HIP1: variants seen among roughly 807,000 people sequenced by gnomAD.
HIP1 encodes huntingtin interacting protein 1.
HIP1 carries 65 observed loss-of-function variants against 147.6 expected under a neutral mutation model. The ratio of observed to expected loss-of-function variants is 0.44; its 90% confidence interval spans 0.36 to 0.54. The LOEUF (loss-of-function observed/expected upper bound fraction) is 0.54, where lower values mean the gene tolerates loss of function less well. Ranked by LOEUF, HIP1 falls within the 20% of genes least tolerant of loss-of-function variation. The probability of loss-of-function intolerance (pLI) is 0.00; values close to 1 mark genes in which losing one functional copy is unlikely to be tolerated. For missense variants in HIP1, 1,061 were observed against 1,299.6 expected (o/e 0.82, Z 2.82); for synonymous variants, 479 against 504.0 (o/e 0.95, Z 0.67).
rs1800174802 is a variant in HIP1, at chr7:75,683,920, CTCTG to C, written c.120+54877_120+54880del. Among the ~76,000 whole-genome samples the C allele has an allele frequency of 2.8e-4, 6 of 21,806 alleles. 1 individual carries two copies. In the South Asian group the frequency reaches 5.9e-3, roughly 21 times the overall value. 14.3% of individuals were successfully genotyped at this position (21,806 alleles called of 152,430 possible). ...ATGAATTTGAACAAGCTAAGTAGTT[CTCTG>C]GAATCCTTGCTCTGCAGCCAACCAG... On this transcript the variant is annotated intron_variant, in intron 1 of 30. Coordinates refer to ENST00000336926, the MANE Select transcript of HIP1 (RefSeq NM_005338.7).
chr7:75,701,858 CAAT>C (rs1421441469), intron 1 of HIP1, among the ~76,000 whole-genome samples: 3 of 152,072 alleles, frequency 2.0e-5, no homozygotes, highest in Non-Finnish European at 4.4e-5. Context: ...ATTGCAACAA[CAAT>C]AACAACAGGA....
At chr7:75,711,588 C>A (rs1440886271) in intron 1 of HIP1, among the ~76,000 whole-genome samples, 2 of 152,258 alleles carry the variant, frequency 1.3e-5, no homozygotes, top group Middle Eastern at 3.4e-3. Flanking sequence ...CATTTGAGAT[C>A]AAAAACGCCA....
chr7:75,538,323 T>A, intron 30 of HIP1, 99 bp from the exon 31 acceptor site: 1 of 881,232 alleles, frequency 1.1e-6, no homozygotes, highest in Non-Finnish European at 1.9e-6. Context: ...AAATACATTA[T>A]AATTATAACC....
intron 1 of HIP1, among the ~76,000 whole-genome samples, chr7:75,600,274 C>A (rs1449386082): frequency 6.6e-6 from 1 of 151,908 alleles, no homozygotes; most frequent in African/African-American, 2.4e-5. Flanking sequence ...CCATGCCCAA[C>A]TAATTTTTGT....
intron 1 of HIP1, among the ~76,000 whole-genome samples, chr7:75,701,763 G>A (rs1800839695): frequency 6.6e-6 from 1 of 151,938 alleles, no homozygotes; most frequent in Non-Finnish European, 1.5e-5. Flanking sequence ...TGAGGTGGGA[G>A]GACTGTTTGA....
At chr7:75,714,455 CT>C (rs71082343) in intron 1 of HIP1, among the ~76,000 whole-genome samples, 68 of 137,828 alleles carry the variant, frequency 4.9e-4, no homozygotes, top group Middle Eastern at 7.6e-3. Flanking sequence ...ATCTTTTTTT[CT>C]TTTTTTTTTT....
chr7:75,549,552 G>C (rs1395504449), intron 22 of HIP1, among the ~76,000 whole-genome samples: 1 of 151,030 alleles, frequency 6.6e-6, no homozygotes, highest in Admixed American at 6.6e-5. Context: ...TATATTTTTA[G>C]TAGAGATGGG....
At chr7:75,711,747 T>G (rs1312678385) in intron 1 of HIP1, among the ~76,000 whole-genome samples, 1 of 152,222 alleles carries the variant, frequency 6.6e-6, no homozygotes, top group Non-Finnish European at 1.5e-5. Flanking sequence ...AGGTATGCCC[T>G]CTTTCCTGGC....
rs1794994808 is a variant in HIP1, at chr7:75,556,103, C to T, written c.1750G>A (p.Ala584Thr). ...EKERDSLVSG[A>T]AHREEELSAL... ...GATAATTCCTCCTCCCTATGAGCTG[C>T]GCCACTCACCAGGCTGTCCCGCTCC... Residue 584 changes from alanine (A) to threonine (T), a missense_variant, in exon 18 of 31, where the codon GCA (alanine) becomes ACA (threonine). By Grantham distance (58) the Ala-to-Thr change is moderately conservative (BLOSUM62 0). Around this residue, in one of 3 missense-constraint regions of HIP1, gnomAD observed 810 missense variants for 946.8 expected, o/e 0.86. Coordinates refer to ENST00000336926, the MANE Select transcript of HIP1 (RefSeq NM_005338.7). 1 of 1,614,174 alleles carries T rather than the reference C, an allele frequency of 6.2e-7. No homozygotes were observed. Among genetic ancestry groups the T allele is most frequent in the Non-Finnish European group, 8.5e-7 (1 of 1,180,032 alleles).
At chr7:75,541,853 G>A in intron 29 of HIP1, 66 bp downstream of exon 29, 1 of 1,184,108 alleles carries the variant, frequency 8.4e-7, no homozygotes, top group East Asian at 2.3e-5. Context: ...TTTCTCCATG[G>A]GAATAATATT....
At chr7:75,594,205 G>C (rs1301922613) in intron 2 of HIP1, among the ~76,000 whole-genome samples, 1 of 151,854 alleles carries the variant, frequency 6.6e-6, no homozygotes, top group Non-Finnish European at 1.5e-5. Context: ...GCTTGAACCC[G>C]GGAGGCAGAG....
At chr7:75,723,938 TTA>T (rs781977202) in intron 1 of HIP1, among the ~76,000 whole-genome samples, 31 of 146,128 alleles carry the variant, frequency 2.1e-4, no homozygotes, top group African/African-American at 5.3e-4. Flanking sequence ...TTATTATCAT[TTA>T]TATATATATA....
chr7:75,565,782 A>G (rs587697163), intron 9 of HIP1, among the ~76,000 whole-genome samples: 2 of 148,404 alleles, frequency 1.3e-5, no homozygotes, highest in African/African-American at 2.5e-5. Flanking sequence ...CCCAAGCTGT[A>G]GTGCAGTGGC....
At chr7:75,718,938 C>T (rs1221054285) in intron 1 of HIP1, among the ~76,000 whole-genome samples, 1 of 152,100 alleles carries the variant, frequency 6.6e-6, no homozygotes, top group Non-Finnish European at 1.5e-5. Flanking sequence ...TCAACTCAGG[C>T]CTAATCAGGG....
intron 1 of HIP1, among the ~76,000 whole-genome samples, chr7:75,689,200 A>C (rs1296841587): frequency 6.6e-6 from 1 of 151,872 alleles, no homozygotes; most frequent in East Asian, 1.9e-4. Context: ...AAAATTAAAA[A>C]AATTTAAAAT....
chr7:75,624,101 A>G (rs931921278), intron 1 of HIP1, among the ~76,000 whole-genome samples: 4 of 152,148 alleles, frequency 2.6e-5, no homozygotes, highest in Admixed American at 2.6e-4. Flanking sequence ...GCACACCTCC[A>G]AAGCACAGAC....
chr7:75,676,057 G>A (rs1554515956), intron 1 of HIP1, among the ~76,000 whole-genome samples: 1 of 152,120 alleles, frequency 6.6e-6, no homozygotes, highest in East Asian at 1.9e-4. Flanking sequence ...ATAATATAAT[G>A]TGGTCATGCT....
At chr7:75,615,003 C>T (rs1797599041) in intron 1 of HIP1, among the ~76,000 whole-genome samples, 1 of 151,914 alleles carries the variant, frequency 6.6e-6, no homozygotes, top group Non-Finnish European at 1.5e-5. Flanking sequence ...GAACTCCTGA[C>T]CTCAAGTGAT....
chr7:75,539,940 C>T (rs142948961), intron 29 of HIP1, among the ~76,000 whole-genome samples: 17 of 152,154 alleles, frequency 1.1e-4, no homozygotes, highest in Non-Finnish European at 2.4e-4. Context: ...TAGTTGTAAC[C>T]CTTCTTCAAT....
Sources: gnomAD v4.1 joint callset for allele counts (sites outside exome capture counted in the v4.1 genomes callset) on GRCh38, gnomAD v4.1.1 for gene constraint, gnomAD v4.1.1 regional missense constraint, MANE v1.5 for transcripts, NCBI Gene and HGNC (gene_info 2026-07-23, HGNC 2026-07-21) for gene names.